Variants in SNCAIP observed in about 807,000 individuals in gnomAD.
The protein encoded by SNCAIP is synphilin-1.
A neutral mutation model predicts 86.7 loss-of-function variants in SNCAIP; 43 were observed. That is an observed-to-expected ratio of 0.50 (90% confidence interval 0.39 to 0.64). The LOEUF (loss-of-function observed/expected upper bound fraction) is 0.64, where lower values mean the gene tolerates loss of function less well. SNCAIP is among the 30% of genes least tolerant of loss of function. SNCAIP has a pLI of 0.00. For missense variants in SNCAIP, 981 were observed against 1,103.1 expected, an observed-to-expected ratio of 0.89 and a Z score of 1.57; for synonymous variants, 417 against 427.2, an observed-to-expected ratio of 0.98 and a Z score of 0.29.
chr5:122,362,660 G>A (rs1252909125), intron 1 of SNCAIP, among the ~76,000 whole-genome samples: 1 of 152,184 alleles, frequency 6.6e-6, no homozygotes, highest in Non-Finnish European at 1.5e-5. Context: ...GCTGGAGAAT[G>A]TCTACACTTC....
intron 1 of SNCAIP, among the ~76,000 whole-genome samples, chr5:122,347,264 A>T (rs182938496): frequency 6.6e-6 from 1 of 152,258 alleles, no homozygotes; most frequent in African/African-American, 2.4e-5. Context: ...TGGAAGGTCT[A>T]TGTGAGAAAC....
rs775969340 is a variant in SNCAIP, at chr5:122,423,450, T to A, written c.713T>A (p.Ile238Asn). ...AAGCTGTCCACTGAAGAAACCGAGA[T>A]CTCACCTCCTCTGGTTAAATGTGGC... ...QHKLSTEETE[I>N]SPPLVKCGSA... The change falls in exon 4 of 11, where the codon ATC becomes AAC. Residue 238 changes from isoleucine (I) to asparagine (N), a missense_variant. Coordinates refer to ENST00000261368, the MANE Select transcript of SNCAIP (RefSeq NM_005460.4). 3.1e-6 allele frequency: 5 copies of A among 1,612,718 alleles called. No individual in the cohort carries two copies. The highest frequency in any genetic ancestry group is 4.2e-6 in the Non-Finnish European group (5 of 1,179,586).
At chr5:122,417,199 A>T (rs1466408319) in intron 3 of SNCAIP, among the ~76,000 whole-genome samples, 2 of 152,230 alleles carry the variant, frequency 1.3e-5, no homozygotes, top group African/African-American at 4.8e-5. Flanking sequence ...CTAAGAAAAT[A>T]CTAATTTATC....
intron 1 of SNCAIP, among the ~76,000 whole-genome samples, chr5:122,383,067 C>T (rs1003996213): frequency 5.9e-5 from 9 of 152,234 alleles, no homozygotes; most frequent in African/African-American, 2.2e-4. Context: ...TGGTGGGCTC[C>T]ACCCAGTTGG....
At chr5:122,375,437 A>C (rs1765093397) in intron 1 of SNCAIP, among the ~76,000 whole-genome samples, 1 of 146,168 alleles carries the variant, frequency 6.8e-6, no homozygotes, top group Non-Finnish European at 1.5e-5. Context: ...TTATGTAAGC[A>C]TTGATTTTTA....
rs1190370268 is a variant in SNCAIP, at chr5:122,423,591, T to TGAGCTCAGCAGC, written c.854_855insGAGCTCAGCAGC (p.Leu285_Gln286insSerSerAlaAla). The TGAGCTCAGCAGC allele has an allele frequency of 1.2e-6, 2 of 1,613,996 alleles. No homozygotes were observed. The highest frequency in any genetic ancestry group is 2.2e-5 in the South Asian group (2 of 91,088). On this transcript the variant is annotated inframe_insertion, in exon 4 of 11. Transcript: ENST00000261368. ...GACTGCCAGCTCAGGGCCTTCCACC[T>TGAGCTCAGCAGC]ACAATCCTCAGCAGCAGAATCCAAA... is the stretch of plus-strand genomic sequence containing the variant.
chr5:122,349,700 G>A (rs1209513501), intron 1 of SNCAIP, among the ~76,000 whole-genome samples: 1 of 152,172 alleles, frequency 6.6e-6, no homozygotes, highest in Non-Finnish European at 1.5e-5. Context: ...CTGGCAGGCA[G>A]AACCTCAGCA....
At chr5:122,337,783 G>T (rs907214380) in intron 1 of SNCAIP, among the ~76,000 whole-genome samples, 2 of 152,118 alleles carry the variant, frequency 1.3e-5, no homozygotes, top group African/African-American at 2.4e-5. Flanking sequence ...CAGGTGATGC[G>T]CCCACCTCGG....
Position 122,425,778 on chromosome 5 carries a change from T to C in SNCAIP, c.1182+247T>C, listed in dbSNP as rs554732964. Among the ~76,000 whole-genome samples, 251 of 152,346 alleles carry C rather than the reference T, an allele frequency of 1.6e-3. 1 individual carries two copies. Among genetic ancestry groups the C allele is most frequent in the Non-Finnish European group, 1.4e-3 (94 of 68,034 alleles). On this transcript the variant is annotated intron_variant, in intron 5 of 10. Transcript: ENST00000261368. Reference sequence around the variant, plus strand: ...AATGATATGTTGTAGTTCTAACAACTTTTGTTATTCATAGGGATTGCAATT... The same window carrying C: ...AATGATATGTTGTAGTTCTAACAACCTTTGTTATTCATAGGGATTGCAATT...
intron 6 of SNCAIP, among the ~76,000 whole-genome samples, chr5:122,433,607 C>T (rs1424137177): frequency 6.6e-6 from 1 of 152,094 alleles, no homozygotes; most frequent in Non-Finnish European, 1.5e-5. Context: ...GGAGCAGGCC[C>T]TACATTAAAA....
At chr5:122,397,393 A>G (rs1204333984) in intron 2 of SNCAIP, among the ~76,000 whole-genome samples, 2 of 152,158 alleles carry the variant, frequency 1.3e-5, no homozygotes, top group Non-Finnish European at 2.9e-5. Flanking sequence ...ACTACACATT[A>G]TATTAATTAA....
chr5:122,342,381 A>C (rs1757769856), intron 1 of SNCAIP, among the ~76,000 whole-genome samples: 1 of 152,062 alleles, frequency 6.6e-6, no homozygotes, highest in East Asian at 1.9e-4. Flanking sequence ...TTACCACTGC[A>C]GGCTTCCTGG....
At chr5:122,418,054 G>A (rs868179017) in intron 3 of SNCAIP, among the ~76,000 whole-genome samples, 5 of 152,334 alleles carry the variant, frequency 3.3e-5, no homozygotes, top group Middle Eastern at 3.4e-3. Flanking sequence ...TGTGAGATGA[G>A]CCTGAGTCTC....
chr5:122,361,628 G>C (rs894073609), intron 1 of SNCAIP, among the ~76,000 whole-genome samples: 1 of 152,160 alleles, frequency 6.6e-6, no homozygotes, highest in East Asian at 1.9e-4. Context: ...CCTTGAAACT[G>C]TGGGAGGCTG....
intron 1 of SNCAIP, among the ~76,000 whole-genome samples, chr5:122,328,837 G>A (rs991964825): frequency 2.6e-5 from 4 of 152,182 alleles, no homozygotes; most frequent in African/African-American, 9.7e-5. Context: ...CCCATGGCCA[G>A]TCCCTTACCC....
Position 122,422,969 on chromosome 5 carries a change from C to T in SNCAIP, c.232C>T (p.Arg78Trp), listed in dbSNP as rs145919513. The T allele has an allele frequency of 1.1e-5, 17 of 1,614,032 alleles. No individual in the cohort carries two copies. Among genetic ancestry groups the T allele is most frequent in the South Asian group, 3.3e-5 (3 of 91,088 alleles). Residue 78 changes from arginine (R) to tryptophan (W), a missense_variant, in exon 4 of 11, where the codon CGG becomes TGG. Transcript: ENST00000261368. ...GTACAGTAAGTTCCGCCCAGTGAAG[C>T]GGGTTTCGCCACTGAAACATCAGCC... ...DVYSKFRPVKRVSPLKHQPET... is the reference protein window; with the variant it reads ...DVYSKFRPVKWVSPLKHQPET...
intron 1 of SNCAIP, among the ~76,000 whole-genome samples, chr5:122,356,596 C>G (rs1761069577): frequency 6.6e-6 from 1 of 152,222 alleles, no homozygotes; most frequent in Non-Finnish European, 1.5e-5. Flanking sequence ...TTGACTGCCT[C>G]TGGGAATTTG....
intron 9 of SNCAIP, among the ~76,000 whole-genome samples, chr5:122,450,205 A>T (rs1016480739): frequency 2.0e-5 from 3 of 152,208 alleles, no homozygotes; most frequent in Non-Finnish European, 2.9e-5. Context: ...TCAATTCTTC[A>T]TCTGTGAAGT....
At chr5:122,417,446 CTG>C (rs1219783989) in intron 3 of SNCAIP, among the ~76,000 whole-genome samples, 1 of 152,124 alleles carries the variant, frequency 6.6e-6, no homozygotes, top group Non-Finnish European at 1.5e-5. Flanking sequence ...GATGAGGAAA[CTG>C]AGGAATGTTT....
Sources: allele counts gnomAD v4.1 joint callset (sites outside exome capture counted in the v4.1 genomes callset), GRCh38; gene constraint gnomAD v4.1.1; transcripts MANE v1.5; gene names NCBI Gene and HGNC (gene_info 2026-07-23, HGNC 2026-07-21).